The following COL23A1 variants were observed in gnomAD, a reference collection of about 807,000 sequenced individuals.
The protein encoded by COL23A1 is collagen type XXIII alpha 1 chain.
COL23A1 carries 97 observed loss-of-function variants against 99.3 expected under a neutral mutation model. The ratio of observed to expected loss-of-function variants is 0.98; its 90% CI spans 0.83 to 1.16. The LOEUF (loss-of-function observed/expected upper bound fraction) is 1.16. Ranked by LOEUF, COL23A1 falls within the 50% of genes most tolerant of loss-of-function variation. The pLI is 0.00. For synonymous variants in COL23A1, 320 were observed against 308.2 expected (o/e 1.04, Z -0.40); for missense variants, 762 against 757.4 (o/e 1.01, Z -0.07).
intron 7 of COL23A1, among the ~76,000 whole-genome samples, 197 bp from the exon 8 acceptor site, chr5:178,267,530 C>G (rs1581487766): frequency 6.6e-6 from 1 of 152,164 alleles, no homozygotes; most frequent in African/African-American, 2.4e-5. Flanking sequence ...CTCAAGGTCA[C>G]ACAGCTAGCA....
At chr5:178,573,751 A>G (rs931314419) in intron 1 of COL23A1, among the ~76,000 whole-genome samples, 2 of 152,254 alleles carry the variant, frequency 1.3e-5, no homozygotes, top group African/African-American at 4.8e-5. Flanking sequence ...ATACTACTCT[A>G]TAATACAAAG....
At chr5:178,398,108 A>G (rs1434161394) in intron 2 of COL23A1, among the ~76,000 whole-genome samples, 3 of 152,214 alleles carry the variant, frequency 2.0e-5, no homozygotes, top group African/African-American at 7.2e-5. Context: ...CCAGTTAACC[A>G]AAGAGGATAA....
intron 2 of COL23A1, among the ~76,000 whole-genome samples, chr5:178,341,467 G>C (rs1760656489): frequency 6.6e-6 from 1 of 152,226 alleles, no homozygotes; most frequent in African/African-American, 2.4e-5. Flanking sequence ...GGCCTGGCTA[G>C]CCTGGCTCTT....
intron 3 of COL23A1, among the ~76,000 whole-genome samples, chr5:178,298,827 C>T (rs546389676): frequency 1.3e-5 from 2 of 152,324 alleles, no homozygotes; most frequent in African/African-American, 4.8e-5. Flanking sequence ...TCCCAAAGTG[C>T]TGGGATTACA....
At chr5:178,463,052 CA>C (rs372125887) in intron 2 of COL23A1, among the ~76,000 whole-genome samples, 11 of 152,372 alleles carry the variant, frequency 7.2e-5, no homozygotes, top group African/African-American at 2.6e-4. Flanking sequence ...GCCACGTCAG[CA>C]GATGGTTAGG....
intron 2 of COL23A1, among the ~76,000 whole-genome samples, chr5:178,547,782 A>C (rs1258181582): frequency 3.2e-4 from 1 of 3,174 alleles, no homozygotes; most frequent in Non-Finnish European, 5.3e-4. Flanking sequence ...CACCCCCCAC[A>C]CACCCCCCAC....
intron 2 of COL23A1, among the ~76,000 whole-genome samples, chr5:178,421,376 G>T (rs534111568): frequency 6.6e-6 from 1 of 152,148 alleles, no homozygotes; most frequent in Non-Finnish European, 1.5e-5. Flanking sequence ...GCCTCTCTGA[G>T]CTCATTTTCT....
intron 2 of COL23A1, chr5:178,344,939 G>C: frequency 3.1e-6 from 2 of 652,936 alleles, no homozygotes; most frequent in Non-Finnish European, 2.8e-6. Flanking sequence ...ATCCAGAAAA[G>C]AGAAAGTGCC....
In COL23A1 at chr5:178,416,334, C is replaced by T. The variant is rs552781382; in HGVS notation, c.362-109415G>A. On this transcript the variant is annotated intron_variant, in intron 2 of 28. Transcript: ENST00000390654. Reference sequence around the variant, plus strand: ...AAGAGACAGCCCTGCAGCTGGCCTGCCTCCCTCAGGAGGCTCCCCGGGCCT... The same window carrying T: ...AAGAGACAGCCCTGCAGCTGGCCTGTCTCCCTCAGGAGGCTCCCCGGGCCT... Among the ~76,000 whole-genome samples, 514 of 152,278 alleles carry T rather than the reference C, an allele frequency of 3.4e-3. 4 individuals carry two copies. Among genetic ancestry groups the T allele is most frequent in the African/African-American group, 0.012 (491 of 41,552 alleles).
chr5:178,330,142 A>C, intron 2 of COL23A1, among the ~76,000 whole-genome samples: 1 of 152,164 alleles, frequency 6.6e-6, no homozygotes, highest in East Asian at 1.9e-4. Flanking sequence ...TCCCCTGAAA[A>C]GCCTGGGCCC....
At chr5:178,528,102 G>A (rs2113165249) in intron 2 of COL23A1, among the ~76,000 whole-genome samples, 1 of 152,180 alleles carries the variant, frequency 6.6e-6, no homozygotes, top group South Asian at 2.1e-4. Flanking sequence ...CTGCTCCCTG[G>A]GCACTGGGAC....
At chr5:178,245,825 C>T (rs1056838900) in intron 25 of COL23A1, 117 bp downstream of exon 25, 4 of 1,191,452 alleles carry the variant, frequency 3.4e-6, no homozygotes, top group Non-Finnish European at 5.0e-6. Flanking sequence ...CAGTCAGTTG[C>T]AGTCCCAGCC....
chr5:178,437,552 C>T (rs760484041), intron 2 of COL23A1, among the ~76,000 whole-genome samples: 3 of 152,152 alleles, frequency 2.0e-5, no homozygotes, highest in East Asian at 3.9e-4. Flanking sequence ...GGGCCCCAGC[C>T]GCTATCTGCC....
chr5:178,547,500 C>T (rs540212965), intron 2 of COL23A1, among the ~76,000 whole-genome samples: 1 of 135,816 alleles, frequency 7.4e-6, no homozygotes, highest in South Asian at 2.4e-4. Flanking sequence ...CACACATCCC[C>T]ATACACACCC....
Position 178,365,070 on chromosome 5 carries a change from G to C in COL23A1, c.362-58151C>G, listed in dbSNP as rs566822124. On this transcript the variant is annotated intron_variant, in intron 2 of 28. Coordinates refer to ENST00000390654, the MANE Select transcript of COL23A1 (RefSeq NM_173465.4). This position sits in a 1 kb window ranked among gnomAD's most constrained non-coding sequence, Gnocchi z 5.2. ...CAGATACAGCAGTAAAGAATAAACC[G>C]TAGGGGCAATAACAATCTCTTTGTA... Among the ~76,000 whole-genome samples the C allele has an allele frequency of 6.6e-6, 1 of 152,098 alleles. No individual in the cohort carries two copies. Among genetic ancestry groups the C allele is most frequent in the African/African-American group, 2.4e-5 (1 of 41,404 alleles).
chr5:178,337,088 AG>A (rs1409706594), intron 2 of COL23A1, among the ~76,000 whole-genome samples: 1 of 152,118 alleles, frequency 6.6e-6, no homozygotes, highest in African/African-American at 2.4e-5. Context: ...TTCCCATGGG[AG>A]GGGGGCCTGC....
At chr5:178,379,529 C>T (rs935164999) in intron 2 of COL23A1, among the ~76,000 whole-genome samples, 1 of 152,120 alleles carries the variant, frequency 6.6e-6, no homozygotes, top group Non-Finnish European at 1.5e-5. Flanking sequence ...CTTTTGTTTA[C>T]AGTAAGCAAG....
chr5:178,265,843 G>A (rs1441304215), intron 8 of COL23A1: 1 of 261,176 alleles, frequency 3.8e-6, no homozygotes, highest in African/African-American at 2.3e-5. Context: ...AGGCAGTTAG[G>A]TGATCAGGTG....
At chr5:178,419,883 G>T (rs1765511719) in intron 2 of COL23A1, among the ~76,000 whole-genome samples, 1 of 152,186 alleles carries the variant, frequency 6.6e-6, no homozygotes, top group Non-Finnish European at 1.5e-5. Context: ...GCTGTAACCA[G>T]TCTCACTCTT....
Sources: allele counts gnomAD v4.1 joint callset (sites outside exome capture counted in the v4.1 genomes callset), GRCh38; gene constraint gnomAD v4.1.1; non-coding constraint Gnocchi (gnomAD v3.1); transcripts MANE v1.5; gene names NCBI Gene and HGNC (gene_info 2026-07-23, HGNC 2026-07-21).